RSPH3: variants seen among roughly 807,000 people sequenced by gnomAD.
The protein encoded by RSPH3 is radial spoke head protein 3 homolog.
In RSPH3, 21 loss-of-function variants were observed where a neutral mutation model predicts 43.8. The ratio of observed to expected loss-of-function variants is 0.48; its 90% confidence interval spans 0.34 to 0.69. The LOEUF is 0.69. RSPH3 is among the 30% of genes least tolerant of loss of function. The pLI is 0.01. For missense variants in RSPH3, 487 were observed against 516.0 expected (o/e 0.94, Z 0.54); for synonymous variants, 173 against 179.8 (o/e 0.96, Z 0.30).
chr6:158,982,734 C>A (rs781011998), intron 4 of RSPH3, 46 bp from the exon 5 acceptor site: 1 of 1,315,004 alleles, frequency 7.6e-7, no homozygotes, highest in African/African-American at 1.5e-5. Flanking sequence ...AATTACGAAT[C>A]AAATGCTCAA....
chr6:158,997,857 GTT>G (rs935626124), intron 1 of RSPH3, among the ~76,000 whole-genome samples: 4 of 151,976 alleles, frequency 2.6e-5, no homozygotes, highest in African/African-American at 9.7e-5. Context: ...TTCTATTTTA[GTT>G]TTCTTACAGT....
chr6:158,977,947 G>A (rs1777905924), intron 7 of RSPH3, 99 bp from the exon 8 acceptor site: 5 of 1,037,198 alleles, frequency 4.8e-6, no homozygotes, highest in Middle Eastern at 2.5e-4. Context: ...AAACCTTCAC[G>A]AAGCCTCATC....
downstream of RSPH3, among the ~76,000 whole-genome samples, chr6:158,969,139 G>C (rs1180053617): frequency 6.6e-6 from 1 of 152,128 alleles, no homozygotes; most frequent in African/African-American, 2.4e-5. Context: ...TTGAATTGCT[G>C]TCTAGTATCC....
chr6:158,999,653 A>C lies in RSPH3; in HGVS notation c.-103T>G. Reference sequence around the variant, plus strand: ...AGAGATGTAAGTAGTGCCAAGGGCAAGGATTCCGCGACGCGAGGAGAGGCG... The same window carrying C: ...AGAGATGTAAGTAGTGCCAAGGGCACGGATTCCGCGACGCGAGGAGAGGCG... On this transcript the variant is annotated 5_prime_UTR_variant, in exon 1 of 8. Transcript: ENST00000367069. 2 of 1,614,092 alleles carry C rather than the reference A, an allele frequency of 1.2e-6. No individual in the cohort carries two copies. The highest frequency in any genetic ancestry group is 8.5e-7 in the Non-Finnish European group (1 of 1,179,992).
Position 158,998,885 on chromosome 6 carries a change from A to AACCACC in RSPH3, c.116+544_116+549dup, listed in dbSNP as rs143434986. Reference sequence around the variant, plus strand: ...AACTCCGTCTCAAAACAACAACAGCAACCACCACCACCACCACCACCACCA... The same window carrying AACCACC: ...AACTCCGTCTCAAAACAACAACAGCAACCACCACCACCACCACCACCACCACCACCA... On this transcript the variant is annotated intron_variant, in intron 1 of 7. Transcript: ENST00000367069. Among the ~76,000 whole-genome samples the AACCACC allele has an allele frequency of 8.7e-3, 1,318 of 151,502 alleles. 12 individuals carry two copies. Among genetic ancestry groups the AACCACC allele is most frequent in the African/African-American group, 0.029 (1,210 of 41,212 alleles).
rs143683990 is a variant in RSPH3, at chr6:158,981,666, T to C, written c.697-730A>G. On this transcript the variant is annotated intron_variant, in intron 5 of 7. Transcript: ENST00000367069. ...ACAATCCTTATTGTAAGCCCTATGC[T>C]CTTTACACAACTAAGTATTCATCTT... Among the ~76,000 whole-genome samples, 1,212 of 152,334 alleles carry C rather than the reference T, an allele frequency of 8.0e-3. 20 individuals are homozygous for C. The highest frequency in any genetic ancestry group is 0.027 in the African/African-American group (1,142 of 41,580).
Position 158,999,560 on chromosome 6 carries a change from C to A in RSPH3, c.-10G>T, listed in dbSNP as rs143166491. The A allele has an allele frequency of 2.5e-4, 396 of 1,606,182 alleles. No homozygotes were observed. Among genetic ancestry groups the A allele is most frequent in the Non-Finnish European group, 2.7e-4 (318 of 1,174,622 alleles). On this transcript the variant is annotated 5_prime_UTR_variant, in exon 1 of 8. Coordinates refer to ENST00000367069, the MANE Select transcript of RSPH3 (RefSeq NM_031924.8). Reference sequence around the variant, plus strand: ...TCAGCGCTGAGGCCATGTCCGGGGGCTGACTGCCTCGCTTTCGGTGGAGCT... The same window carrying A: ...TCAGCGCTGAGGCCATGTCCGGGGGATGACTGCCTCGCTTTCGGTGGAGCT...
chr6:158,966,267 T>TTTA, the RSPH3 span, among the ~76,000 whole-genome samples: 11 of 152,306 alleles, frequency 7.2e-5, no homozygotes, highest in South Asian at 2.3e-3. Flanking sequence ...TTTGCATTTA[T>TTTA]ATATTTAAAG....
At chr6:158,996,397 T>C (rs561008676) in intron 1 of RSPH3, among the ~76,000 whole-genome samples, 2 of 152,370 alleles carry the variant, frequency 1.3e-5, no homozygotes, top group Admixed American at 6.5e-5. Context: ...TTCAGCTTTA[T>C]AATCCTATGA....
chr6:158,985,971 G>T (rs1778223516), intron 3 of RSPH3, among the ~76,000 whole-genome samples: 1 of 151,680 alleles, frequency 6.6e-6, no homozygotes, highest in African/African-American at 2.4e-5. Flanking sequence ...CCACCACCAT[G>T]CCCAGCTAAT....
intron 1 of RSPH3, among the ~76,000 whole-genome samples, chr6:158,996,805 G>A (rs1583729561): frequency 6.6e-6 from 1 of 152,304 alleles, no homozygotes; most frequent in African/African-American, 2.4e-5. Context: ...AAGTACTGCT[G>A]TGGTCTGGAT....
the RSPH3 span, among the ~76,000 whole-genome samples, chr6:158,966,304 T>C: frequency 6.6e-6 from 1 of 152,196 alleles, no homozygotes; most frequent in Non-Finnish European, 1.5e-5. Context: ...TTTCTTGTGA[T>C]GTCTTTGCCT....
intron 6 of RSPH3, among the ~76,000 whole-genome samples, chr6:158,979,714 A>G (rs184035001): frequency 6.6e-6 from 1 of 152,308 alleles, no homozygotes; most frequent in East Asian, 1.9e-4. Flanking sequence ...ATCAGTGAAA[A>G]TTATCATTAC....
At chr6:158,964,874 A>T in the RSPH3 span, among the ~76,000 whole-genome samples, 1 of 152,160 alleles carries the variant, frequency 6.6e-6, no homozygotes, top group East Asian at 1.9e-4. Flanking sequence ...TGTCATATAT[A>T]AGAAACCATT....
At chr6:158,982,868 G>A (rs1442084600) in intron 4 of RSPH3, among the ~76,000 whole-genome samples, 180 bp from the exon 5 acceptor site, 1 of 151,912 alleles carries the variant, frequency 6.6e-6, no homozygotes, top group African/African-American at 2.4e-5. Context: ...TTGTTTACAG[G>A]CAAAAATCTG....
intron 6 of RSPH3, among the ~76,000 whole-genome samples, chr6:158,980,471 T>C (rs113088966): frequency 9.2e-5 from 14 of 151,846 alleles, no homozygotes; most frequent in African/African-American, 3.4e-4. Flanking sequence ...ATGAAGAAAC[T>C]GGAGGTCATC....
chr6:158,983,562 C>A, intron 4 of RSPH3, 100 bp downstream of exon 4: 2 of 861,860 alleles, frequency 2.3e-6, no homozygotes, highest in Admixed American at 3.7e-5. Flanking sequence ...GAAGTAGAAT[C>A]TGATTGTGAA....
chr6:158,966,588 G>A, the RSPH3 span, among the ~76,000 whole-genome samples: 17 of 151,968 alleles, frequency 1.1e-4, no homozygotes, highest in Non-Finnish European at 1.5e-5. Context: ...TGTCATCTAA[G>A]TTATTTAATT....
At chr6:158,998,349 G>A (rs1190804031) in intron 1 of RSPH3, among the ~76,000 whole-genome samples, 1 of 141,814 alleles carries the variant, frequency 7.1e-6, no homozygotes, top group African/African-American at 2.6e-5. Flanking sequence ...GGCGCCTGTA[G>A]TCCCAGCTAC....
Sources: gnomAD v4.1 joint callset for allele counts (sites outside exome capture counted in the v4.1 genomes callset) on GRCh38, gnomAD v4.1.1 for gene constraint, MANE v1.5 for transcripts, NCBI Gene and HGNC (gene_info 2026-07-23, HGNC 2026-07-21) for gene names.